The following SNED1 variants were observed in gnomAD, a reference collection of about 807,000 sequenced individuals.
SNED1 encodes sushi, nidogen and EGF-like domain-containing protein 1.
Under a neutral mutation model 166.7 loss-of-function variants are expected in SNED1, and 81 were observed. The ratio of observed to expected loss-of-function variants is 0.49; its 90% CI spans 0.41 to 0.58. The LOEUF (loss-of-function observed/expected upper bound fraction) is 0.58. SNED1 is among the 20% of genes least tolerant of loss of function. The probability of loss-of-function intolerance (pLI) is 0.00; values close to 1 mark genes in which losing one functional copy is unlikely to be tolerated. For missense variants in SNED1, 1,604 were observed against 2,000.2 expected (o/e 0.80, Z 3.78); for synonymous variants, 762 against 822.0 (o/e 0.93, Z 1.25).
Position 241,033,851 on chromosome 2 carries a change from T to A in SNED1, c.618T>A (p.Thr206=), listed in dbSNP as rs1292937348. 6.2e-7 allele frequency: 1 copy of A among 1,606,870 alleles called. No individual in the cohort carries two copies. The highest frequency in any genetic ancestry group is 8.5e-7 in the Non-Finnish European group (1 of 1,177,492). ...GTHASSGGNA[T]GLGGIAAQAG... is the part of the protein sequence containing the mutation. ...ACGCCAGCAGCGGGGGCAACGCCAC[T>A]GGCCTCGGGGGCATCGCAGCCCAGG... Residue 206 remains threonine (T), a synonymous_variant, in exon 3 of 32, where the codon ACT becomes ACA. Coordinates refer to ENST00000310397, the MANE Select transcript of SNED1 (RefSeq NM_001080437.3).
chr2:241,053,462 GTC>G (rs1160008258), intron 16 of SNED1, 136 bp downstream of exon 16: 6 of 864,858 alleles, frequency 6.9e-6, no homozygotes, highest in Non-Finnish European at 1.0e-5. Flanking sequence ...GCTCCCCTCA[GTC>G]TCCTGTCTGT....
rs2062708744 is a variant in SNED1, at chr2:241,071,415, G to A, written c.3590-161G>A. On this transcript the variant is annotated intron_variant, in intron 24 of 31. Transcript: ENST00000310397. ...GGCTGGAAGGGAACCCAGGGCATCT[G>A]GGGAAGCCACAAGCACCTTGGATGA... 2.6e-5 allele frequency: 20 copies of A among 763,306 alleles called. No homozygotes were observed. In the East Asian group the frequency reaches 5.4e-4, roughly 21 times the overall value. 47.3% of individuals were successfully genotyped at this position (763,306 alleles called of 1,614,324 possible).
At position 241,049,107 on chromosome 2, in the gene SNED1, C is replaced by A; in HGVS notation, c.1590C>A (p.Val530=). 6.2e-7 allele frequency: 1 copy of A among 1,612,078 alleles called. No individual in the cohort carries two copies. Among genetic ancestry groups the A allele is most frequent in the South Asian group, 1.1e-5 (1 of 90,750 alleles). Residue 530 remains valine (V), a synonymous_variant, in exon 11 of 32, where the codon GTC becomes GTA. Coordinates refer to ENST00000310397, the MANE Select transcript of SNED1 (RefSeq NM_001080437.3). ...AGCACGGCGGGAGCTACCTCTGCGTCTGCCACACCGACCACAATGCCAGCC... is the reference window on the plus strand; with the variant it reads ...AGCACGGCGGGAGCTACCTCTGCGTATGCCACACCGACCACAATGCCAGCC... ...CMEHGGSYLC[V]CHTDHNASHS...
intron 16 of SNED1, among the ~76,000 whole-genome samples, chr2:241,057,045 C>G (rs1010672550): frequency 3.9e-5 from 6 of 152,040 alleles, no homozygotes; most frequent in Non-Finnish European, 7.4e-5. Context: ...AATACATCAA[C>G]CCACAAATTC....
intron 1 of SNED1, among the ~76,000 whole-genome samples, chr2:241,028,896 G>A (rs920208261): frequency 3.3e-5 from 5 of 152,088 alleles, no homozygotes; most frequent in Non-Finnish European, 5.9e-5. Flanking sequence ...TTGGGTGCCC[G>A]ATTATTTTTG....
intron 30 of SNED1, chr2:241,088,163 A>C (rs2063680857): frequency 3.5e-6 from 2 of 571,300 alleles, no homozygotes; most frequent in African/African-American, 1.9e-5. Context: ...TGTCATTCCT[A>C]AACTACTGCC....
intron 12 of SNED1, chr2:241,050,158 C>G (rs1574987127): frequency 1.7e-6 from 1 of 587,692 alleles, no homozygotes; most frequent in African/African-American, 1.9e-5. Flanking sequence ...TTACCTTGCT[C>G]TTCTGAAAAT....
intron 15 of SNED1, 54 bp downstream of exon 15, chr2:241,052,522 G>T: frequency 3.6e-6 from 5 of 1,371,714 alleles, no homozygotes; most frequent in Non-Finnish European, 5.1e-6. Context: ...TGCCAGGCAG[G>T]TGAGATGGCC....
At chr2:241,022,546 G>C (rs1485770969) in intron 1 of SNED1, among the ~76,000 whole-genome samples, 6 of 152,092 alleles carry the variant, frequency 3.9e-5, no homozygotes, top group Admixed American at 2.6e-4. Context: ...AGTTGGCCTT[G>C]TTTCCAGCCT....
At chr2:241,081,525 G>A (rs372576749) in intron 27 of SNED1, among the ~76,000 whole-genome samples, 152 bp from the exon 28 acceptor site, 1 of 152,218 alleles carries the variant, frequency 6.6e-6, no homozygotes, top group African/African-American at 2.4e-5. Context: ...ACGCTCTAGG[G>A]CCCAGAGGCG....
intron 21 of SNED1, among the ~76,000 whole-genome samples, 198 bp from the exon 22 acceptor site, chr2:241,067,566 T>C (rs74000341): frequency 0.021 from 3,150 of 151,746 alleles, 120 homozygotes; most frequent in African/African-American, 0.073. Flanking sequence ...TCACAGCGGG[T>C]TCTGCAGCTG....
intron 1 of SNED1, among the ~76,000 whole-genome samples, chr2:241,005,167 T>G (rs1176832925): frequency 6.6e-6 from 1 of 152,026 alleles, no homozygotes; most frequent in Non-Finnish European, 1.5e-5. Context: ...AATTTTTATT[T>G]TTTAAATTTT....
chr2:241,070,304 A>G, intron 24 of SNED1, 103 bp downstream of exon 24: 1 of 1,243,874 alleles, frequency 8.0e-7, no homozygotes, highest in Non-Finnish European at 1.1e-6. Flanking sequence ...TGCCAGGCAG[A>G]CAGCCTAGAA....
chr2:241,033,722 C>T lies in SNED1; in HGVS notation c.502-13C>T, dbSNP rs757559527. The T allele has an allele frequency of 5.0e-6, 8 of 1,608,426 alleles. No individual in the cohort carries two copies. The highest frequency in any genetic ancestry group is 1.1e-5 in the South Asian group (1 of 89,940). On this transcript the variant is annotated splice_polypyrimidine_tract_variant and intron_variant, in intron 2 of 31. Coordinates refer to ENST00000310397, the MANE Select transcript of SNED1 (RefSeq NM_001080437.3). ...GGAGTGCAGGGCCCTGTTCAGCCCC[C>T]TCTCCCCGGCAGGTCAACACATTCC...
intron 4 of SNED1, among the ~76,000 whole-genome samples, chr2:241,035,863 G>A (rs1262333489): frequency 1.6e-5 from 2 of 124,220 alleles, no homozygotes; most frequent in Non-Finnish European, 3.4e-5. Flanking sequence ...GGAGTGAGGG[G>A]TAGAGGGTGT....
intron 1 of SNED1, among the ~76,000 whole-genome samples, chr2:241,020,361 T>A (rs2060734979): frequency 6.6e-6 from 1 of 152,244 alleles, no homozygotes; most frequent in African/African-American, 2.4e-5. Context: ...GGACAGCCAC[T>A]GCCCAGGGGA....
intron 18 of SNED1, 86 bp from the exon 19 acceptor site, chr2:241,063,926 C>G: frequency 9.3e-7 from 1 of 1,076,220 alleles, no homozygotes. Context: ...CCCTAGACTC[C>G]TCCTTTCCCT....
chr2:241,019,364 C>A (rs183339999), intron 1 of SNED1, among the ~76,000 whole-genome samples: 27 of 152,324 alleles, frequency 1.8e-4, no homozygotes, highest in African/African-American at 6.0e-4. Context: ...ACAAAGGGAG[C>A]ATCACTGTCA....
intron 1 of SNED1, among the ~76,000 whole-genome samples, chr2:241,025,463 CT>C (rs1240049800): frequency 6.6e-6 from 1 of 152,144 alleles, no homozygotes; most frequent in Non-Finnish European, 1.5e-5. Context: ...ATGCAATGAC[CT>C]TGGAACACTT....
Sources: gnomAD v4.1 joint callset for allele counts (sites outside exome capture counted in the v4.1 genomes callset) on GRCh38, gnomAD v4.1.1 for gene constraint, MANE v1.5 for transcripts, NCBI Gene and HGNC (gene_info 2026-07-23, HGNC 2026-07-21) for gene names.